The following CUX2 variants were observed in gnomAD, a reference collection of about 807,000 sequenced individuals.
CUX2 encodes homeobox protein cut-like 2.
CUX2 carries 40 observed loss-of-function variants against 144.8 expected under a neutral mutation model. The observed-to-expected ratio is 0.28, with a 90% CI of 0.21 to 0.36. The LOEUF is 0.36. Among genes scored for constraint, CUX2 ranks in the 10% least tolerant of loss-of-function variants. The pLI is 1.00. For synonymous variants in CUX2, 827 were observed against 875.6 expected (o/e 0.94, Z 0.98); for missense variants, 1,615 against 1,994.0 (o/e 0.81, Z 3.62).
At chr12:111,241,626 T>C (rs1439841240) in intron 3 of CUX2, among the ~76,000 whole-genome samples, 1 of 152,264 alleles carries the variant, frequency 6.6e-6, no homozygotes, top group Admixed American at 6.5e-5. Context: ...TGAGAGTTAA[T>C]TTTCATTTCA....
chr12:111,340,686 G>A (rs1308054023), intron 20 of CUX2, among the ~76,000 whole-genome samples: 1 of 152,204 alleles, frequency 6.6e-6, no homozygotes. Flanking sequence ...AGACATCAAT[G>A]TACTTTACGT....
At chr12:111,078,363 G>A (rs1458488796) in intron 1 of CUX2, among the ~76,000 whole-genome samples, 1 of 152,172 alleles carries the variant, frequency 6.6e-6, no homozygotes, top group Non-Finnish European at 1.5e-5. Flanking sequence ...AGGAACAAGA[G>A]CATCTCATTT....
At chr12:111,327,055 G>A (rs1887856037) in intron 18 of CUX2, among the ~76,000 whole-genome samples, 1 of 152,048 alleles carries the variant, frequency 6.6e-6, no homozygotes, top group Non-Finnish European at 1.5e-5. Context: ...CCCCAAAAAG[G>A]AACCCCATAC....
chr12:111,158,587 G>A (rs1877544866), intron 1 of CUX2, among the ~76,000 whole-genome samples: 1 of 152,048 alleles, frequency 6.6e-6, no homozygotes, highest in African/African-American at 2.4e-5. Flanking sequence ...CTCTGGGGAG[G>A]AACAGCTGTT....
chr12:111,099,441 C>A, intron 1 of CUX2: 1 of 410,296 alleles, frequency 2.4e-6, no homozygotes, highest in South Asian at 1.7e-5. Context: ...TCATTTCTTG[C>A]CAAGCCCGGA....
chr12:111,275,140 C>G (rs1228928558), intron 4 of CUX2, among the ~76,000 whole-genome samples: 2 of 152,076 alleles, frequency 1.3e-5, no homozygotes, highest in African/African-American at 4.8e-5. Context: ...AATGAATTAG[C>G]CATTTTACTA....
In CUX2 at chr12:111,304,795, ATGCCCC is replaced by A. The variant is rs1439788465; in HGVS notation, c.858+485_858+490del. 6.6e-6 allele frequency among the ~76,000 whole-genome samples: 1 copy of A among 152,172 alleles called. No homozygotes were observed. The highest frequency in any genetic ancestry group is 2.4e-5 in the African/African-American group (1 of 41,436). ...AGCTTTGTGCATGCTTGGGATGGTG[ATGCCCC>A]TGCTGGTTTTCAGTCCCAAAACTGG... is the stretch of plus-strand genomic sequence containing the variant. On this transcript the variant is annotated intron_variant, in intron 10 of 21. Coordinates refer to ENST00000261726, the MANE Select transcript of CUX2 (RefSeq NM_015267.4). This position sits in a 1 kb window ranked among gnomAD's most constrained non-coding sequence, Gnocchi z 4.7.
chr12:111,257,100 G>T (rs79664030), intron 3 of CUX2, among the ~76,000 whole-genome samples: 1 of 152,232 alleles, frequency 6.6e-6, no homozygotes, highest in South Asian at 2.1e-4. Context: ...TCGTATCACA[G>T]TGGGCTGCGT....
At chr12:111,127,405 A>G (rs1002003972) in intron 1 of CUX2, among the ~76,000 whole-genome samples, 3 of 152,164 alleles carry the variant, frequency 2.0e-5, no homozygotes, top group African/African-American at 2.4e-5. Context: ...GGGATCTCCT[A>G]TATTCCAGGC....
At position 111,277,925 on chromosome 12, in the gene CUX2, C is replaced by T. The variant is rs144772553; in HGVS notation, c.302-13493C>T. On this transcript the variant is annotated intron_variant, in intron 4 of 21. Transcript: ENST00000261726. The surrounding 1 kb of genome is among the most constrained non-coding windows in gnomAD (Gnocchi z 5.0). ...GCAACAATCAAAGCATTCGCAGGGC[C>T]GGGTTGTTTCTGAAAGCAGGAGGCT... Among the ~76,000 whole-genome samples, 115 of 152,300 alleles carry T rather than the reference C, an allele frequency of 7.6e-4. No homozygotes were observed. The highest frequency in any genetic ancestry group is 2.6e-3 in the African/African-American group (108 of 41,576).
At chr12:111,250,420 A>G (rs2136274163) in intron 3 of CUX2, among the ~76,000 whole-genome samples, 1 of 152,280 alleles carries the variant, frequency 6.6e-6, no homozygotes, top group African/African-American at 2.4e-5. Flanking sequence ...CTAAAACAAG[A>G]GGACCCAGGG....
At chr12:111,134,616 C>CTGTGTGTGTGTGTG (rs1191021541) in intron 1 of CUX2, among the ~76,000 whole-genome samples, 99 of 145,214 alleles carry the variant, frequency 6.8e-4, no homozygotes, top group African/African-American at 2.6e-3. Flanking sequence ...CTCTCTCTCT[C>CTGTGTGTGTGTGTG]TCTCTGTGTG....
rs920692067 is a variant in CUX2 at position 111,312,808 on chromosome 12, C to T, written c.2002+607C>T. The stretch of plus-strand genomic sequence containing the variant: ...ACTGTTCATAGTCATGCCCAGCTGC[C>T]GTGCACTCCACCCTGCGCCTCTGAT... On this transcript the variant is annotated intron_variant, in intron 16 of 21. Coordinates refer to ENST00000261726, the MANE Select transcript of CUX2 (RefSeq NM_015267.4). The surrounding 1 kb of genome is among the most constrained non-coding windows in gnomAD (Gnocchi z 4.3). Among the ~76,000 whole-genome samples, 3 of 152,198 alleles carry T rather than the reference C, an allele frequency of 2.0e-5. No homozygotes were observed. The highest frequency in any genetic ancestry group is 2.9e-5 in the Non-Finnish European group (2 of 68,034).
At chr12:111,281,379 G>C (rs1428578508) in intron 4 of CUX2, among the ~76,000 whole-genome samples, 1 of 151,984 alleles carries the variant, frequency 6.6e-6, no homozygotes, top group African/African-American at 2.4e-5. Context: ...AGCACCCCTA[G>C]TTCCATGTCA....
intron 1 of CUX2, among the ~76,000 whole-genome samples, chr12:111,054,084 G>T (rs1870408237): frequency 6.6e-6 from 1 of 152,186 alleles, no homozygotes; most frequent in South Asian, 2.1e-4. Context: ...AACCCAGGAG[G>T]TGGAGGCTGC....
At chr12:111,336,130 G>C (rs956317013) in intron 19 of CUX2, among the ~76,000 whole-genome samples, 2 of 152,240 alleles carry the variant, frequency 1.3e-5, no homozygotes. Context: ...AGTCACTGCG[G>C]AACTCCAGCT....
chr12:111,176,953 G>A (rs1039715607), intron 1 of CUX2, among the ~76,000 whole-genome samples: 1 of 152,160 alleles, frequency 6.6e-6, no homozygotes, highest in Non-Finnish European at 1.5e-5. Context: ...CTTGTAAGAT[G>A]TTTAGCAACA....
chr12:111,234,525 A>C (rs1408836892), intron 3 of CUX2, among the ~76,000 whole-genome samples: 1 of 152,060 alleles, frequency 6.6e-6, no homozygotes, highest in African/African-American at 2.4e-5. Context: ...GAGAGTGGTT[A>C]TTTTTTGGGC....
chr12:111,221,009 C>T (rs1881829599), intron 3 of CUX2, among the ~76,000 whole-genome samples: 1 of 150,274 alleles, frequency 6.7e-6, no homozygotes, highest in Non-Finnish European at 1.5e-5. Flanking sequence ...GTCCCAGGGT[C>T]TGGCACACCG....
Sources: gnomAD v4.1 joint callset for allele counts (sites outside exome capture counted in the v4.1 genomes callset) on GRCh38, gnomAD v4.1.1 for gene constraint, Gnocchi (gnomAD v3.1) non-coding constraint, MANE v1.5 for transcripts, NCBI Gene and HGNC (gene_info 2026-07-23, HGNC 2026-07-21) for gene names.